The following NLGN1 variants were observed in gnomAD, a reference collection of about 807,000 sequenced individuals.
The protein encoded by NLGN1 is neuroligin 1.
A neutral mutation model predicts 65.5 loss-of-function variants in NLGN1; 12 were observed. The ratio of observed to expected loss-of-function variants is 0.18; its 90% CI spans 0.12 to 0.30. The LOEUF is 0.30. Ranked by LOEUF, NLGN1 falls within the 10% of genes least tolerant of loss-of-function variation. NLGN1 has a pLI of 1.00. For missense variants in NLGN1, 750 were observed against 1,007.1 expected (o/e 0.74, Z 3.46); for synonymous variants, 350 against 359.5 (o/e 0.97, Z 0.30).
intron 1 of NLGN1, among the ~76,000 whole-genome samples, chr3:173,414,806 G>A (rs1713345793): frequency 6.6e-6 from 1 of 152,140 alleles, no homozygotes; most frequent in African/African-American, 2.4e-5. Flanking sequence ...AGGTGAAGTG[G>A]GTGGTTTTGA....
intron 3 of NLGN1, among the ~76,000 whole-genome samples, chr3:173,769,173 C>T (rs1022553736): frequency 5.9e-5 from 9 of 152,142 alleles, no homozygotes; most frequent in Admixed American, 3.9e-4. Context: ...TGAACATCAC[C>T]TCCTACCCCT....
At chr3:173,955,576 A>G (rs1188476847) in intron 4 of NLGN1, among the ~76,000 whole-genome samples, 1 of 152,212 alleles carries the variant, frequency 6.6e-6, no homozygotes, top group South Asian at 2.1e-4. Context: ...TTCCTTGCCA[A>G]TCAAATAATA....
At chr3:173,978,174 T>C (rs1372723676) in intron 4 of NLGN1, among the ~76,000 whole-genome samples, 1 of 152,146 alleles carries the variant, frequency 6.6e-6, no homozygotes, top group Non-Finnish European at 1.5e-5. Flanking sequence ...CTAGCATCAG[T>C]CTGACTTCAT....
intron 2 of NLGN1, among the ~76,000 whole-genome samples, chr3:173,448,931 C>G (rs1014556115): frequency 7.2e-5 from 11 of 152,010 alleles, no homozygotes; most frequent in Admixed American, 2.6e-4. Flanking sequence ...TTTTTTATTG[C>G]ATCTATTTGA....
intron 4 of NLGN1, among the ~76,000 whole-genome samples, chr3:173,967,965 G>T (rs920992287): frequency 3.9e-5 from 6 of 152,068 alleles, no homozygotes; most frequent in South Asian, 2.1e-4. Flanking sequence ...TGGATTTCAG[G>T]GCCTTTGAGC....
At chr3:173,573,041 C>T (rs1744900701) in intron 2 of NLGN1, among the ~76,000 whole-genome samples, 1 of 152,184 alleles carries the variant, frequency 6.6e-6, no homozygotes, top group African/African-American at 2.4e-5. Context: ...TTTAGAAGAA[C>T]CCCTCAACTG....
At chr3:174,044,860 A>G (rs1055640015) in intron 4 of NLGN1, among the ~76,000 whole-genome samples, 3 of 152,084 alleles carry the variant, frequency 2.0e-5, no homozygotes, top group Non-Finnish European at 2.9e-5. Context: ...GTGAATTCTC[A>G]TGAGATCCAA....
chr3:174,126,127 C>T (rs1020627309), intron 4 of NLGN1, among the ~76,000 whole-genome samples: 1 of 152,144 alleles, frequency 6.6e-6, no homozygotes, highest in African/African-American at 2.4e-5. Flanking sequence ...TATACTCTGT[C>T]ACTGCCACTA....
chr3:173,500,988 C>G (rs1431112894), intron 2 of NLGN1, among the ~76,000 whole-genome samples: 1 of 152,150 alleles, frequency 6.6e-6, no homozygotes, highest in East Asian at 1.9e-4. Flanking sequence ...AAAAAAATAG[C>G]TACTGGGTTT....
chr3:173,976,642 C>T (rs978891507), intron 4 of NLGN1, among the ~76,000 whole-genome samples: 1 of 151,996 alleles, frequency 6.6e-6, no homozygotes, highest in Non-Finnish European at 1.5e-5. Flanking sequence ...GCTTGTTTCT[C>T]TGATTGTCTT....
chr3:173,753,108 C>T (rs577723414), intron 3 of NLGN1, among the ~76,000 whole-genome samples: 1 of 152,192 alleles, frequency 6.6e-6, no homozygotes, highest in East Asian at 1.9e-4. Flanking sequence ...AGCATGTGAA[C>T]ATGCTACAGG....
rs73036270 is a variant in NLGN1, at chr3:173,464,724, C to T, written c.-321+29646C>T. Among the ~76,000 whole-genome samples, 776 of 152,224 alleles carry T rather than the reference C, an allele frequency of 5.1e-3. 13 individuals are homozygous for T. Among genetic ancestry groups the T allele is most frequent in the African/African-American group, 0.018 (749 of 41,532 alleles). On this transcript the variant is annotated intron_variant, in intron 2 of 6. Transcript: ENST00000457714. Reference sequence around the variant, plus strand: ...TGCTGGGATTACAGGCGTGAGCCACCGTACCTGGCTGGTATCAGTTACAAT... The same window carrying T: ...TGCTGGGATTACAGGCGTGAGCCACTGTACCTGGCTGGTATCAGTTACAAT...
At chr3:173,706,238 A>G (rs1768023393) in intron 3 of NLGN1, among the ~76,000 whole-genome samples, 1 of 152,166 alleles carries the variant, frequency 6.6e-6, no homozygotes, top group South Asian at 2.1e-4. Context: ...GACATGCTGT[A>G]TTTACTGTTC....
At chr3:173,599,680 A>G (rs1051264332) in intron 2 of NLGN1, among the ~76,000 whole-genome samples, 1 of 152,170 alleles carries the variant, frequency 6.6e-6, no homozygotes, top group African/African-American at 2.4e-5. Flanking sequence ...CCTGACTTCA[A>G]ACAACCCACA....
chr3:174,110,784 A>T (rs1715033952), intron 4 of NLGN1, among the ~76,000 whole-genome samples: 1 of 152,024 alleles, frequency 6.6e-6, no homozygotes, highest in Admixed American at 6.6e-5. Context: ...TATGTTTTGT[A>T]TATGTAAACA....
chr3:173,663,251 G>T (rs1305939798), intron 3 of NLGN1, among the ~76,000 whole-genome samples: 2 of 151,836 alleles, frequency 1.3e-5, no homozygotes, highest in African/African-American at 4.8e-5. Flanking sequence ...ACTTAAAATG[G>T]AACATTAAGT....
chr3:173,973,297 G>A (rs1303401631), intron 4 of NLGN1, among the ~76,000 whole-genome samples: 2 of 152,030 alleles, frequency 1.3e-5, no homozygotes, highest in East Asian at 1.9e-4. Flanking sequence ...ACAATTGCCC[G>A]CTTAGTAGCC....
At chr3:174,066,307 T>G (rs1373263068) in intron 4 of NLGN1, among the ~76,000 whole-genome samples, 1 of 148,890 alleles carries the variant, frequency 6.7e-6, no homozygotes, top group Admixed American at 6.7e-5. Context: ...TATGGACAGG[T>G]TTTTTTTTTA....
intron 2 of NLGN1, among the ~76,000 whole-genome samples, chr3:173,466,035 A>G (rs1724287485): frequency 6.6e-6 from 1 of 152,228 alleles, no homozygotes; most frequent in Non-Finnish European, 1.5e-5. Context: ...AAACAAAGAT[A>G]AATAGACCAG....
Sources: gnomAD v4.1 joint callset for allele counts (sites outside exome capture counted in the v4.1 genomes callset) on GRCh38, gnomAD v4.1.1 for gene constraint, MANE v1.5 for transcripts, NCBI Gene and HGNC (gene_info 2026-07-23, HGNC 2026-07-21) for gene names.